The following SBF2 variants were observed in gnomAD, a reference collection of about 807,000 sequenced individuals.
SBF2 encodes the protein SET binding factor 2, also known as myotubularin-related protein 13.
A neutral mutation model predicts 225.2 loss-of-function variants in SBF2; 112 were observed. The ratio of observed to expected loss-of-function variants is 0.50; its 90% CI spans 0.43 to 0.58. The LOEUF is 0.58. SBF2 is among the 20% of genes least tolerant of loss of function. The pLI, the probability that SBF2 is intolerant of heterozygous loss-of-function variation, is 0.00. For synonymous variants in SBF2, 763 were observed against 773.3 expected (o/e 0.99, Z 0.22); for missense variants, 1,996 against 2,206.2 (o/e 0.90, Z 1.91).
chr11:10,238,403 C>A (rs576491898), intron 1 of SBF2, among the ~76,000 whole-genome samples: 120 of 152,076 alleles, frequency 7.9e-4, no homozygotes, highest in Non-Finnish European at 6.2e-4. Flanking sequence ...GAGTAAGGCC[C>A]TGTCTCAAAA....
chr11:10,049,798 C>A (rs58810027), intron 2 of SBF2, among the ~76,000 whole-genome samples: 1 of 152,024 alleles, frequency 6.6e-6, no homozygotes, highest in South Asian at 2.1e-4. Context: ...GGTAGCAGAA[C>A]GGTATAATCC....
intron 26 of SBF2, among the ~76,000 whole-genome samples, chr11:9,836,013 G>T (rs1174301597): frequency 6.6e-6 from 1 of 152,044 alleles, no homozygotes; most frequent in Non-Finnish European, 1.5e-5. Context: ...TTATGAATAT[G>T]TTCAGTAGAT....
At chr11:10,121,675 A>G (rs1953457520) in intron 2 of SBF2, among the ~76,000 whole-genome samples, 1 of 152,264 alleles carries the variant, frequency 6.6e-6, no homozygotes, top group Non-Finnish European at 1.5e-5. Flanking sequence ...TGTACAAGCC[A>G]AGCATTTACT....
chr11:10,185,897 C>G (rs1343732007), intron 2 of SBF2, among the ~76,000 whole-genome samples: 2 of 152,172 alleles, frequency 1.3e-5, no homozygotes, highest in African/African-American at 4.8e-5. Context: ...CCATACAAAT[C>G]AGTTGGTTCT....
rs554208614 is a variant in SBF2 at position 10,257,709 on chromosome 11, G to C, written c.55+36306C>G. Among the ~76,000 whole-genome samples, 8 of 113,686 alleles carry C rather than the reference G, an allele frequency of 7.0e-5. No individual in the cohort carries two copies. The South Asian group carries it at 2.3e-3, about 32-fold the overall frequency. The allele number at this position is 113,686 out of a possible 152,430, so 74.6% of individuals were successfully genotyped here. On this transcript the variant is annotated intron_variant, in intron 1 of 39. Transcript: ENST00000256190. The stretch of plus-strand genomic sequence containing the variant: ...AAAAAAAGAAATGCTGTACTAAAAA[G>C]AGCTTGGTCAGGCACAGTGGCTCAC...
At chr11:10,183,150 A>C (rs1189525376) in intron 2 of SBF2, among the ~76,000 whole-genome samples, 1 of 152,168 alleles carries the variant, frequency 6.6e-6, no homozygotes, top group Admixed American at 6.5e-5. Flanking sequence ...TAATATACCC[A>C]AAATTCTGGC....
chr11:10,085,492 AATTGG>A (rs1951529983), intron 2 of SBF2, among the ~76,000 whole-genome samples: 1 of 152,016 alleles, frequency 6.6e-6, no homozygotes, highest in Non-Finnish European at 1.5e-5. Context: ...TCAAGTTTCT[AATTGG>A]ATTCTCTTCA....
chr11:9,875,442 G>C (rs1859147266), intron 17 of SBF2, among the ~76,000 whole-genome samples: 1 of 152,084 alleles, frequency 6.6e-6, no homozygotes, highest in African/African-American at 2.4e-5. Flanking sequence ...TGTTTCATTT[G>C]TACAGTTTAA....
intron 2 of SBF2, among the ~76,000 whole-genome samples, chr11:10,076,542 C>A (rs1047732905): frequency 1.3e-5 from 2 of 152,094 alleles, no homozygotes; most frequent in African/African-American, 2.4e-5. Flanking sequence ...GGCCTGGGAG[C>A]CATGTTTTTG....
At chr11:10,033,498 A>G (rs1949333006) in intron 3 of SBF2, among the ~76,000 whole-genome samples, 1 of 152,152 alleles carries the variant, frequency 6.6e-6, no homozygotes, top group Non-Finnish European at 1.5e-5. Context: ...TTTAATTTAT[A>G]TCACTTTTTA....
rs1855454386 is a variant in SBF2, at chr11:9,832,378, A to G, written c.3498T>C (p.Ser1166=). 6.2e-7 allele frequency: 1 copy of G among 1,614,072 alleles called. No individual in the cohort carries two copies. Among genetic ancestry groups the G allele is most frequent in the African/African-American group, 1.3e-5 (1 of 75,020 alleles). ...LLVVPQAVQD[S]SLPRVARCYR... is the part of the protein sequence containing the mutation. ...AGCAGCGAGCTACTCTTGGTAAACTACTGTCCTGTACAGCTTGAGGTACGA... is the reference window on the plus strand; with the variant it reads ...AGCAGCGAGCTACTCTTGGTAAACTGCTGTCCTGTACAGCTTGAGGTACGA... Residue 1166 remains serine, a synonymous_variant, in exon 27 of 40, where the codon AGT becomes AGC. Transcript: ENST00000256190.
intron 1 of SBF2, among the ~76,000 whole-genome samples, chr11:10,210,237 G>T (rs1287564076): frequency 1.3e-5 from 2 of 152,020 alleles, no homozygotes; most frequent in African/African-American, 4.8e-5. Context: ...GAGCCTACAA[G>T]GTCAAGGCTG....
intron 30 of SBF2, 187 bp from the exon 31 acceptor site, chr11:9,809,189 G>A: frequency 1.9e-6 from 1 of 529,694 alleles, no homozygotes. Context: ...CTTTTGACTG[G>A]ATGCAATGAC....
At chr11:9,863,346 C>A (rs1312025088) in intron 17 of SBF2, among the ~76,000 whole-genome samples, 1 of 152,212 alleles carries the variant, frequency 6.6e-6, no homozygotes, top group Non-Finnish European at 1.5e-5. Context: ...AAGCTCAAGG[C>A]TCTCGTTTGG....
At chr11:9,918,033 C>T (rs1451319843) in intron 16 of SBF2, among the ~76,000 whole-genome samples, 1 of 151,276 alleles carries the variant, frequency 6.6e-6, no homozygotes, top group Middle Eastern at 3.4e-3. Context: ...TGCAAAGTGA[C>T]CTTCTTTCTA....
intron 24 of SBF2, among the ~76,000 whole-genome samples, chr11:9,844,064 T>C (rs1013776430): frequency 1.3e-5 from 2 of 152,222 alleles, no homozygotes; most frequent in South Asian, 2.1e-4. Context: ...TTTCTGATAG[T>C]TTCTAAATGT....
In SBF2 at chr11:9,938,285, C is replaced by T. The variant is rs555606247; in HGVS notation, c.1860+23672G>A. On this transcript the variant is annotated intron_variant, in intron 16 of 39. Coordinates refer to ENST00000256190, the MANE Select transcript of SBF2 (RefSeq NM_030962.4). ...CAGCCTGGGCGACACAGCGAGACTC[C>T]GTCTCAGAAAAAAAAAAGAAAAAAA... is the stretch of plus-strand genomic sequence containing the variant. Among the ~76,000 whole-genome samples the T allele has an allele frequency of 9.1e-3, 1,359 of 149,216 alleles. 14 individuals are homozygous for T. Among genetic ancestry groups the T allele is most frequent in the Non-Finnish European group, 0.013 (853 of 67,376 alleles).
chr11:9,934,196 T>G (rs1434934480), intron 16 of SBF2, among the ~76,000 whole-genome samples: 1 of 152,128 alleles, frequency 6.6e-6, no homozygotes, highest in Non-Finnish European at 1.5e-5. Flanking sequence ...TCAAATAAAC[T>G]AGAAAATCTA....
In SBF2 at chr11:9,780,039, T is replaced by A; in HGVS notation, c.*379A>T. On this transcript the variant is annotated 3_prime_UTR_variant, in exon 40 of 40. Coordinates refer to ENST00000256190, the MANE Select transcript of SBF2 (RefSeq NM_030962.4). ...TTTTGATTTTTGCTTGTTAAACAGG[T>A]CTCCGAGGAAATTATGACCTCAGAG... 3.4e-6 allele frequency: 1 copy of A among 290,236 alleles called. No homozygotes were observed. Among genetic ancestry groups the A allele is most frequent in the Non-Finnish European group, 6.8e-6 (1 of 146,726 alleles). The allele number at this position is 290,236 out of a possible 1,614,324, so 18.0% of individuals were successfully genotyped here.
Sources: gnomAD v4.1 joint callset for allele counts (sites outside exome capture counted in the v4.1 genomes callset) on GRCh38, gnomAD v4.1.1 for gene constraint, MANE v1.5 for transcripts, NCBI Gene and HGNC (gene_info 2026-07-23, HGNC 2026-07-21) for gene names.